TMTC1: variants seen among roughly 807,000 people sequenced by gnomAD.
The protein encoded by TMTC1 is protein O-mannosyl-transferase TMTC1.
In TMTC1, 73 loss-of-function variants were observed where a neutral mutation model predicts 104.8. That is an observed-to-expected ratio of 0.70 (90% CI 0.58 to 0.85). The LOEUF is 0.85. Among genes scored for constraint, TMTC1 ranks in the 40% least tolerant of loss-of-function variants. TMTC1 has a pLI of 0.00. For missense variants in TMTC1, 1,035 were observed against 1,096.1 expected, an observed-to-expected ratio of 0.94 and a Z score of 0.79; for synonymous variants, 434 against 428.7, an observed-to-expected ratio of 1.01 and a Z score of -0.15.
intron 5 of TMTC1, among the ~76,000 whole-genome samples, chr12:29,717,547 C>T (rs1942119287): frequency 6.6e-6 from 1 of 152,158 alleles, no homozygotes; most frequent in Non-Finnish European, 1.5e-5. Context: ...TATTAATGCA[C>T]AGTTTCACAA....
intron 7 of TMTC1, among the ~76,000 whole-genome samples, chr12:29,597,600 G>A (rs368473105): frequency 2.1e-5 from 3 of 145,654 alleles, no homozygotes; most frequent in African/African-American, 5.2e-5. Flanking sequence ...AATCTGACCA[G>A]ACACAGGCAG....
chr12:29,681,099 CAAAAAA>C (rs71045827), intron 5 of TMTC1, among the ~76,000 whole-genome samples: 4 of 107,212 alleles, frequency 3.7e-5, no homozygotes, highest in East Asian at 2.4e-4. Context: ...ACCCTGTCTC[CAAAAAA>C]AAAAAAAAAA....
intron 5 of TMTC1, among the ~76,000 whole-genome samples, chr12:29,744,697 A>C (rs965259623): frequency 1.3e-5 from 2 of 152,188 alleles, no homozygotes; most frequent in African/African-American, 4.8e-5. Context: ...AAAAATCAAA[A>C]ATCTTTCTTC....
intron 10 of TMTC1, among the ~76,000 whole-genome samples, chr12:29,550,930 T>G: frequency 1.4e-5 from 1 of 73,038 alleles, no homozygotes. Flanking sequence ...TGGGACTCCA[T>G]CTCAAAAAAA....
At chr12:29,763,185 T>C (rs1433864321) in intron 2 of TMTC1, among the ~76,000 whole-genome samples, 2 of 152,188 alleles carry the variant, frequency 1.3e-5, no homozygotes, top group Non-Finnish European at 2.9e-5. Context: ...CAGCAGACTG[T>C]GCCAGCTGGA....
chr12:29,723,682 A>G (rs1176581257), intron 5 of TMTC1, among the ~76,000 whole-genome samples: 1 of 152,144 alleles, frequency 6.6e-6, no homozygotes, highest in Admixed American at 6.5e-5. Flanking sequence ...ACTACAAGCC[A>G]GGGAAACAAA....
At chr12:29,625,518 T>C (rs1414544060) in intron 6 of TMTC1, among the ~76,000 whole-genome samples, 2 of 152,078 alleles carry the variant, frequency 1.3e-5, no homozygotes, top group African/African-American at 4.8e-5. Flanking sequence ...AGTTAAACGG[T>C]TGCAAAGAAT....
At chr12:29,673,527 T>A (rs981313550) in intron 5 of TMTC1, among the ~76,000 whole-genome samples, 1 of 152,082 alleles carries the variant, frequency 6.6e-6, no homozygotes, top group African/African-American at 2.4e-5. Flanking sequence ...TTTTAAAACA[T>A]AACATAAAAA....
chr12:29,721,787 G>A (rs1260607582), intron 5 of TMTC1, among the ~76,000 whole-genome samples: 1 of 151,542 alleles, frequency 6.6e-6, no homozygotes, highest in African/African-American at 2.4e-5. Context: ...ATGTATATAG[G>A]TTATTTCTGT....
chr12:29,758,230 T>G (rs901090308), intron 3 of TMTC1, among the ~76,000 whole-genome samples: 1 of 152,146 alleles, frequency 6.6e-6, no homozygotes, highest in African/African-American at 2.4e-5. Context: ...TATATGTAAA[T>G]TGGAAAACCA....
chr12:29,774,517 C>T (rs1014130419), intron 1 of TMTC1, among the ~76,000 whole-genome samples: 2 of 152,164 alleles, frequency 1.3e-5, no homozygotes, highest in African/African-American at 4.8e-5. Context: ...GTGTTGGGTT[C>T]TCCAACACTT....
chr12:29,725,090 G>A (rs188702174), intron 5 of TMTC1, among the ~76,000 whole-genome samples: 7 of 133,102 alleles, frequency 5.3e-5, no homozygotes, highest in Admixed American at 1.9e-4. Flanking sequence ...GCATGATTTC[G>A]GCTCACTGTA....
chr12:29,604,872 C>T (rs1467351218), intron 6 of TMTC1, among the ~76,000 whole-genome samples: 2 of 151,938 alleles, frequency 1.3e-5, no homozygotes, highest in Non-Finnish European at 2.9e-5. Context: ...GGCTGGCAAG[C>T]GAGTATTTAC....
intron 6 of TMTC1, among the ~76,000 whole-genome samples, chr12:29,624,049 G>A (rs996834350): frequency 2.0e-5 from 3 of 151,954 alleles, no homozygotes; most frequent in African/African-American, 4.8e-5. Flanking sequence ...GCACAATCTC[G>A]GCTCACTGCA....
chr12:29,784,513 AC>A (rs1213727429), upstream of TMTC1: 1 of 152,218 alleles, frequency 6.6e-6, no homozygotes, highest in African/African-American at 2.4e-5. Context: ...GATAGGGAGC[AC>A]CTTCCTCAAA....
intron 5 of TMTC1, chr12:29,666,322 G>C (rs1591893549): frequency 5.5e-6 from 2 of 364,172 alleles, no homozygotes; most frequent in East Asian, 1.7e-4. Flanking sequence ...CCGCTTCCTG[G>C]GTTCATGCCA....
At chr12:29,703,765 A>T (rs1017219145) in intron 5 of TMTC1, among the ~76,000 whole-genome samples, 3 of 152,166 alleles carry the variant, frequency 2.0e-5, no homozygotes, top group African/African-American at 7.2e-5. Context: ...AACTTTCATG[A>T]CTCACTCATA....
chr12:29,770,866 A>C (rs1228550469), intron 1 of TMTC1, among the ~76,000 whole-genome samples: 1 of 152,198 alleles, frequency 6.6e-6, no homozygotes, highest in Non-Finnish European at 1.5e-5. Flanking sequence ...CTGGGAGATA[A>C]TATGGGTTCA....
chr12:29,739,294 TAC>T (rs60837035), intron 5 of TMTC1, among the ~76,000 whole-genome samples: 17 of 150,416 alleles, frequency 1.1e-4, no homozygotes, highest in Admixed American at 2.0e-4. Flanking sequence ...CGCATTCATG[TAC>T]ACACACACAC....
Sources: allele counts gnomAD v4.1 joint callset (sites outside exome capture counted in the v4.1 genomes callset), GRCh38; gene constraint gnomAD v4.1.1; transcripts MANE v1.5; gene names NCBI Gene and HGNC (gene_info 2026-07-23, HGNC 2026-07-21).